RHOBTB1: variants seen among roughly 807,000 people sequenced by gnomAD.
The protein encoded by RHOBTB1 is rho-related BTB domain-containing protein 1.
In RHOBTB1, 40 loss-of-function variants were observed where a neutral mutation model predicts 71.6. The observed-to-expected ratio is 0.56, with a 90% confidence interval of 0.43 to 0.73. RHOBTB1 has a LOEUF of 0.73. Ranked by LOEUF, RHOBTB1 falls within the 30% of genes least tolerant of loss-of-function variation. The pLI is 0.00. For synonymous variants in RHOBTB1, 319 were observed against 334.9 expected (o/e 0.95, Z 0.52); for missense variants, 797 against 894.0 (o/e 0.89, Z 1.38).
At chr10:60,950,580 C>T (rs553716304) in intron 2 of RHOBTB1, among the ~76,000 whole-genome samples, 1 of 152,312 alleles carries the variant, frequency 6.6e-6, no homozygotes, top group South Asian at 2.1e-4. Flanking sequence ...TTCTGTGCTA[C>T]TTCCTTAACC....
At chr10:60,952,905 C>T (rs1191337940) in intron 2 of RHOBTB1, among the ~76,000 whole-genome samples, 5 of 152,028 alleles carry the variant, frequency 3.3e-5, no homozygotes, top group African/African-American at 7.2e-5. Context: ...TGTCGATGAG[C>T]GATATGCCCT....
intron 1 of RHOBTB1, among the ~76,000 whole-genome samples, chr10:60,992,627 C>T (rs2086907266): frequency 6.6e-6 from 1 of 152,156 alleles, no homozygotes; most frequent in South Asian, 2.1e-4. Flanking sequence ...ATAGGCGAAA[C>T]TCAAATGTTG....
At chr10:60,893,682 A>T (rs900543509) in intron 4 of RHOBTB1, among the ~76,000 whole-genome samples, 2 of 152,244 alleles carry the variant, frequency 1.3e-5, no homozygotes, top group Admixed American at 1.3e-4. Flanking sequence ...TTGGAAGCAG[A>T]TTTCTCAAAT....
chr10:60,996,287 T>C (rs1440861438), intron 1 of RHOBTB1, among the ~76,000 whole-genome samples: 1 of 152,318 alleles, frequency 6.6e-6, no homozygotes, highest in East Asian at 1.9e-4. Flanking sequence ...CCAGTTCTTT[T>C]TTTTACCTGC....
At chr10:60,995,676 T>C (rs2087022959) in intron 1 of RHOBTB1, among the ~76,000 whole-genome samples, 1 of 152,202 alleles carries the variant, frequency 6.6e-6, no homozygotes, top group South Asian at 2.1e-4. Flanking sequence ...TAATAAAGGG[T>C]TGAATGTACT....
At position 60,955,730 on chromosome 10, in the gene RHOBTB1, T is replaced by G. The variant is rs374818642; in HGVS notation, c.-61-13876A>C. 3.7e-4 allele frequency among the ~76,000 whole-genome samples: 57 copies of G among 152,236 alleles called. No homozygotes were observed. The South Asian group carries it at 0.011, about 30-fold the overall frequency. ...TCTACAATGTGTCAGTTACAGATAC[T>G]CAGAAGGGTCCAGAGTTTGAATGCA... On this transcript the variant is annotated intron_variant, in intron 2 of 11. Transcript: ENST00000357917.
At chr10:60,990,414 G>A (rs562775148) in intron 1 of RHOBTB1, among the ~76,000 whole-genome samples, 27 of 152,210 alleles carry the variant, frequency 1.8e-4, no homozygotes, top group African/African-American at 6.0e-4. Flanking sequence ...TGCAAGACAT[G>A]AACACGTAAA....
intron 7 of RHOBTB1, among the ~76,000 whole-genome samples, chr10:60,881,043 G>T (rs1027826638): frequency 6.6e-6 from 1 of 152,142 alleles, no homozygotes; most frequent in Non-Finnish European, 1.5e-5. Context: ...GACCTGATGG[G>T]AGATATTCAT....
At chr10:60,994,776 C>A (rs2086990037) in intron 1 of RHOBTB1, among the ~76,000 whole-genome samples, 1 of 151,926 alleles carries the variant, frequency 6.6e-6, no homozygotes, top group Non-Finnish European at 1.5e-5. Context: ...CTATGATGTA[C>A]CTTAAACCAA....
At chr10:60,943,494 G>C (rs1397861722) in intron 1 of RHOBTB1, among the ~76,000 whole-genome samples, 1 of 152,188 alleles carries the variant, frequency 6.6e-6, no homozygotes, top group Admixed American at 6.5e-5. Context: ...CGGGGTTGCG[G>C]GGGAGGGGAG....
At chr10:60,917,449 AT>A (rs2083325836) in intron 2 of RHOBTB1, among the ~76,000 whole-genome samples, 2 of 152,188 alleles carry the variant, frequency 1.3e-5, no homozygotes, top group African/African-American at 4.8e-5. Context: ...ACAGAAATTC[AT>A]TTCTCACAGT....
At chr10:60,896,755 G>C (rs890394804) in intron 4 of RHOBTB1, among the ~76,000 whole-genome samples, 1 of 152,070 alleles carries the variant, frequency 6.6e-6, no homozygotes, top group Admixed American at 6.6e-5. Flanking sequence ...TAAAAATTTC[G>C]CTGGGTACTA....
chr10:60,924,010 T>C (rs1342136717), intron 2 of RHOBTB1, among the ~76,000 whole-genome samples: 1 of 152,044 alleles, frequency 6.6e-6, no homozygotes, highest in South Asian at 2.1e-4. Context: ...TGTGATTTAA[T>C]AGAACAAAAT....
intron 9 of RHOBTB1, among the ~76,000 whole-genome samples, chr10:60,874,172 C>T (rs537622789): frequency 6.6e-6 from 1 of 152,354 alleles, no homozygotes; most frequent in East Asian, 1.9e-4. Flanking sequence ...CCAAACCCAA[C>T]AGGCCGAAGA....
At chr10:60,982,748 C>A (rs1017833946) in intron 2 of RHOBTB1, among the ~76,000 whole-genome samples, 1 of 152,120 alleles carries the variant, frequency 6.6e-6, no homozygotes, top group African/African-American at 2.4e-5. Context: ...TTGTGACTCC[C>A]AGAGACTTAT....
chr10:60,894,213 G>C (rs1189678704), intron 4 of RHOBTB1, among the ~76,000 whole-genome samples: 1 of 151,948 alleles, frequency 6.6e-6, no homozygotes, highest in African/African-American at 2.4e-5. Flanking sequence ...AAAACTGCAG[G>C]GTGCTTACAT....
At chr10:60,898,095 C>T (rs1347294847) in intron 4 of RHOBTB1, among the ~76,000 whole-genome samples, 2 of 152,070 alleles carry the variant, frequency 1.3e-5, no homozygotes, top group East Asian at 1.9e-4. Context: ...AGGATCCCAC[C>T]TCTTTATATG....
intron 2 of RHOBTB1, among the ~76,000 whole-genome samples, chr10:60,933,565 T>A (rs2084382917): frequency 6.6e-6 from 1 of 151,810 alleles, no homozygotes; most frequent in East Asian, 1.9e-4. Context: ...ACTAAAAATA[T>A]AAAAATTAGC....
intron 1 of RHOBTB1, among the ~76,000 whole-genome samples, chr10:60,990,977 A>G (rs768729388): frequency 5.9e-5 from 9 of 152,078 alleles, no homozygotes; most frequent in Non-Finnish European, 1.3e-4. Context: ...TTCCTCCACC[A>G]TTGTTCCCTG....
Sources: allele counts gnomAD v4.1 joint callset (sites outside exome capture counted in the v4.1 genomes callset), GRCh38; gene constraint gnomAD v4.1.1; transcripts MANE v1.5; gene names NCBI Gene and HGNC (gene_info 2026-07-23, HGNC 2026-07-21).